Variants in CDKAL1 observed in about 807,000 individuals in gnomAD.
The protein encoded by CDKAL1 is threonylcarbamoyladenosine tRNA methylthiotransferase.
A neutral mutation model predicts 68.2 loss-of-function variants in CDKAL1; 32 were observed. The observed-to-expected ratio is 0.47, with a 90% CI of 0.35 to 0.63. The LOEUF is 0.63. Ranked by LOEUF, CDKAL1 falls within the 30% of genes least tolerant of loss-of-function variation. The pLI, the probability that CDKAL1 is intolerant of heterozygous loss-of-function variation, is 0.00. For synonymous variants in CDKAL1, 234 were observed against 244.3 expected (o/e 0.96, Z 0.39); for missense variants, 606 against 696.7 (o/e 0.87, Z 1.47).
intron 14 of CDKAL1, chr6:21,200,893 G>A (rs929994202): frequency 2.1e-5 from 8 of 388,952 alleles, no homozygotes; most frequent in African/African-American, 1.6e-4. Context: ...GGATAATTAG[G>A]TATGCCTTCG....
intron 13 of CDKAL1, among the ~76,000 whole-genome samples, chr6:21,114,326 G>GT (rs1774291655): frequency 6.6e-6 from 1 of 151,750 alleles, no homozygotes; most frequent in South Asian, 2.1e-4. Flanking sequence ...AAAAAAATGT[G>GT]TTTGAGATAA....
intron 8 of CDKAL1, among the ~76,000 whole-genome samples, chr6:20,784,175 T>C (rs1389964008): frequency 6.7e-6 from 1 of 149,276 alleles, no homozygotes; most frequent in Non-Finnish European, 1.5e-5. Flanking sequence ...ATCGTGCCAC[T>C]AAACTCCAGC....
intron 11 of CDKAL1, among the ~76,000 whole-genome samples, chr6:21,043,483 A>G (rs1770049023): frequency 6.6e-6 from 1 of 152,108 alleles, no homozygotes; most frequent in Admixed American, 6.5e-5. Context: ...GATATTTTGT[A>G]TGCAACACTT....
chr6:21,090,171 CA>C (rs1225288593), intron 12 of CDKAL1, among the ~76,000 whole-genome samples: 1 of 152,180 alleles, frequency 6.6e-6, no homozygotes, highest in East Asian at 1.9e-4. Context: ...TTGAACACCA[CA>C]GTCATGTTAA....
intron 5 of CDKAL1, among the ~76,000 whole-genome samples, chr6:20,669,151 A>T (rs1769692305): frequency 6.6e-6 from 1 of 151,976 alleles, no homozygotes; most frequent in South Asian, 2.1e-4. Context: ...ATATTTTGGG[A>T]TTCTTTGGTA....
At chr6:20,703,428 T>C (rs1017753478) in intron 5 of CDKAL1, among the ~76,000 whole-genome samples, 1 of 152,064 alleles carries the variant, frequency 6.6e-6, no homozygotes, top group African/African-American at 2.4e-5. Context: ...TTGGTGTAGA[T>C]GGTTAATATC....
At chr6:21,062,193 C>A (rs1345706311) in intron 11 of CDKAL1, among the ~76,000 whole-genome samples, 4 of 152,178 alleles carry the variant, frequency 2.6e-5, no homozygotes, top group African/African-American at 9.7e-5. Context: ...TATTCTAATT[C>A]ATAGCTGAGG....
intron 5 of CDKAL1, among the ~76,000 whole-genome samples, chr6:20,658,843 C>T (rs1171122038): frequency 2.0e-5 from 3 of 152,106 alleles, no homozygotes; most frequent in African/African-American, 7.2e-5. Context: ...GAGACCGGGT[C>T]TCGTTCTGTT....
chr6:20,931,699 C>T (rs1763468778), intron 9 of CDKAL1, among the ~76,000 whole-genome samples: 1 of 152,162 alleles, frequency 6.6e-6, no homozygotes, highest in South Asian at 2.1e-4. Flanking sequence ...TTCCTTTCTG[C>T]CTCATGCCTT....
intron 13 of CDKAL1, among the ~76,000 whole-genome samples, chr6:21,130,247 G>A (rs922272087): frequency 5.4e-5 from 6 of 111,956 alleles, no homozygotes; most frequent in African/African-American, 2.1e-4. Flanking sequence ...TTTTTGAGAT[G>A]TAGTTTCGCT....
intron 12 of CDKAL1, among the ~76,000 whole-genome samples, chr6:21,075,306 A>G (rs1772011445): frequency 6.8e-6 from 1 of 146,108 alleles, no homozygotes; most frequent in African/African-American, 2.5e-5. Context: ...TTACATAAAT[A>G]TTAGCATTAA....
chr6:21,018,466 A>G (rs1483178992), intron 11 of CDKAL1, among the ~76,000 whole-genome samples: 1 of 152,202 alleles, frequency 6.6e-6, no homozygotes, highest in African/African-American at 2.4e-5. Flanking sequence ...TTTAAAGTAC[A>G]AATGTGGATA....
chr6:20,907,564 A>G (rs1399003167), intron 9 of CDKAL1, among the ~76,000 whole-genome samples: 3 of 152,244 alleles, frequency 2.0e-5, no homozygotes, highest in Admixed American at 1.3e-4. Flanking sequence ...GTAGTCCTCC[A>G]ACAATTGTGG....
chr6:20,539,751 T>C lies in CDKAL1; in HGVS notation c.-6+4357T>C, dbSNP rs1763315341. Among the ~76,000 whole-genome samples the C allele has an allele frequency of 6.6e-6, 1 of 152,200 alleles. No individual in the cohort carries two copies. Among genetic ancestry groups the C allele is most frequent in the African/African-American group, 2.4e-5 (1 of 41,446 alleles). ...TGCAGATCTTTGTAGTGATTTTGGC[T>C]TTTTACTCTGATATGGAATACCACT... On this transcript the variant is annotated intron_variant, in intron 2 of 15. Coordinates refer to ENST00000274695, the MANE Select transcript of CDKAL1 (RefSeq NM_017774.3). The surrounding 1 kb of genome is among the most constrained non-coding windows in gnomAD (Gnocchi z 4.3).
At chr6:20,821,244 G>A (rs1231331045) in intron 8 of CDKAL1, among the ~76,000 whole-genome samples, 2 of 152,078 alleles carry the variant, frequency 1.3e-5, no homozygotes, top group Admixed American at 1.3e-4. Flanking sequence ...GTCTTGTGTG[G>A]CTGCTGTAGG....
rs553032386 is a variant in CDKAL1 at position 20,729,408 on chromosome 6, G to A, written c.372-10111G>A. On this transcript the variant is annotated intron_variant, in intron 5 of 15. Coordinates refer to ENST00000274695, the MANE Select transcript of CDKAL1 (RefSeq NM_017774.3). ...AACAAAAGTAGTTATTTACAATTCG[G>A]AGTATTTTCTTTCACAGGTTTTTCT... 7.9e-5 allele frequency among the ~76,000 whole-genome samples: 12 copies of A among 152,136 alleles called. No individual in the cohort carries two copies. In the Middle Eastern group the frequency reaches 0.014, roughly 172 times the overall value.
chr6:20,654,179 G>T (rs183323804), intron 5 of CDKAL1, among the ~76,000 whole-genome samples: 2 of 152,178 alleles, frequency 1.3e-5, no homozygotes, highest in African/African-American at 4.8e-5. Flanking sequence ...CACTGTGCCC[G>T]GCCTTTGTTG....
At position 20,625,066 on chromosome 6, in the gene CDKAL1, C is replaced by G. The variant is rs1767367756; in HGVS notation, c.287-24227C>G. On this transcript the variant is annotated intron_variant, in intron 4 of 15. Coordinates refer to ENST00000274695, the MANE Select transcript of CDKAL1 (RefSeq NM_017774.3). ...CAAAAAGACAATATTTGTCTTTGCT[C>G]TGGTTGCAGTAAGATAAAACTCTGA... Among the ~76,000 whole-genome samples, 3 of 152,184 alleles carry G rather than the reference C, an allele frequency of 2.0e-5. No individual in the cohort carries two copies. In the South Asian group the frequency reaches 6.2e-4, roughly 32 times the overall value.
chr6:21,008,624 G>A (rs1308688633), intron 11 of CDKAL1, among the ~76,000 whole-genome samples: 1 of 152,154 alleles, frequency 6.6e-6, no homozygotes, highest in Non-Finnish European at 1.5e-5. Flanking sequence ...CTATTGAGTT[G>A]TACTAACGTC....
Sources: gnomAD v4.1 joint callset for allele counts (sites outside exome capture counted in the v4.1 genomes callset) on GRCh38, gnomAD v4.1.1 for gene constraint, Gnocchi (gnomAD v3.1) non-coding constraint, MANE v1.5 for transcripts, NCBI Gene and HGNC (gene_info 2026-07-23, HGNC 2026-07-21) for gene names.